MALRD1: variants seen among roughly 807,000 people sequenced by gnomAD.
MALRD1 encodes MAM and LDL receptor class A domain containing 1.
A neutral mutation model predicts 242.1 loss-of-function variants in MALRD1; 247 were observed. The observed-to-expected ratio is 1.02, with a 90% confidence interval of 0.92 to 1.13. The LOEUF (loss-of-function observed/expected upper bound fraction) is 1.13. MALRD1 is among the 50% of genes most tolerant of loss of function. MALRD1 has a pLI of 0.00. For missense variants in MALRD1, 2,989 were observed against 2,533.1 expected, an observed-to-expected ratio of 1.18 and a Z score of -3.86; for synonymous variants, 995 against 866.6, an observed-to-expected ratio of 1.15 and a Z score of -2.60.
At chr10:19,213,606 A>G (rs1837169144) in intron 18 of MALRD1, among the ~76,000 whole-genome samples, 1 of 152,208 alleles carries the variant, frequency 6.6e-6, no homozygotes, top group African/African-American at 2.4e-5. Flanking sequence ...TAATGTTCTT[A>G]ACTGATAACT....
At chr10:19,654,401 T>C (rs1190772670) in intron 36 of MALRD1, among the ~76,000 whole-genome samples, 1 of 152,166 alleles carries the variant, frequency 6.6e-6, no homozygotes, top group Non-Finnish European at 1.5e-5. Flanking sequence ...TTTCAGTGTT[T>C]TGATGATTTA....
chr10:19,531,384 G>T, intron 32 of MALRD1, 33 bp downstream of exon 32: 1 of 1,496,320 alleles, frequency 6.7e-7, no homozygotes, highest in Non-Finnish European at 9.0e-7. Context: ...TATGATCACT[G>T]AAATATGCAT....
intron 5 of MALRD1, among the ~76,000 whole-genome samples, chr10:19,115,636 C>A (rs779945866): frequency 6.6e-6 from 1 of 151,136 alleles, no homozygotes; most frequent in African/African-American, 2.4e-5. Context: ...ATATATGTTT[C>A]TCTTTACTAT....
intron 28 of MALRD1, among the ~76,000 whole-genome samples, chr10:19,402,307 A>C (rs1846893882): frequency 1.3e-5 from 2 of 152,162 alleles, no homozygotes; most frequent in Non-Finnish European, 2.9e-5. Context: ...TTCCCCACCC[A>C]AATCTCACCT....
chr10:19,436,863 G>C (rs577057764), intron 28 of MALRD1, among the ~76,000 whole-genome samples: 2 of 152,242 alleles, frequency 1.3e-5, no homozygotes, highest in South Asian at 4.1e-4. Context: ...TAGCATTACA[G>C]TATTATACAG....
chr10:19,709,298 C>A (rs1369484130), intron 38 of MALRD1, among the ~76,000 whole-genome samples: 1 of 149,098 alleles, frequency 6.7e-6, no homozygotes, highest in African/African-American at 2.5e-5. Flanking sequence ...TGGTGGCATG[C>A]ACCAGCTACT....
chr10:19,517,904 A>C (rs919298617), intron 31 of MALRD1, among the ~76,000 whole-genome samples: 1 of 152,168 alleles, frequency 6.6e-6, no homozygotes, highest in African/African-American at 2.4e-5. Context: ...CTGACACCAA[A>C]CTGTTAATTC....
In MALRD1 at chr10:19,352,236, A is replaced by G. The variant is rs1228091319; in HGVS notation, c.4380A>G (p.Thr1460=). 6.5e-6 allele frequency: 10 copies of G among 1,550,338 alleles called. No homozygotes were observed. The highest frequency in any genetic ancestry group is 7.8e-6 in the Non-Finnish European group (9 of 1,146,898). Residue 1460 remains threonine, a synonymous_variant, in exon 26 of 40, where the codon ACA becomes ACG. Transcript: ENST00000454679. ...TTGCACTTGATGACATTGTGCTTACAGAAAATTGTCTATCACTCCATGATT... is the reference window on the plus strand; with the variant it reads ...TTGCACTTGATGACATTGTGCTTACGGAAAATTGTCTATCACTCCATGATT... ...GDIALDDIVL[T]ENCLSLHDSV...
chr10:19,665,884 A>ATT (rs35301063), intron 36 of MALRD1, among the ~76,000 whole-genome samples: 61 of 146,478 alleles, frequency 4.2e-4, no homozygotes, highest in African/African-American at 1.5e-3. Flanking sequence ...TTTTCTAATG[A>ATT]TTTTTTTTTT....
At chr10:19,605,211 G>A (rs1838551450) in intron 34 of MALRD1, among the ~76,000 whole-genome samples, 1 of 150,778 alleles carries the variant, frequency 6.6e-6, no homozygotes, top group Non-Finnish European at 1.5e-5. Flanking sequence ...CTGGAGTGCA[G>A]TGGCACGATC....
At chr10:19,242,039 G>A (rs1326575911) in intron 18 of MALRD1, among the ~76,000 whole-genome samples, 2 of 152,162 alleles carry the variant, frequency 1.3e-5, no homozygotes, top group African/African-American at 2.4e-5. Flanking sequence ...GCAGCTGTTG[G>A]ATGATGTATT....
In MALRD1 at chr10:19,574,123, T is replaced by C. The variant is rs954775261; in HGVS notation, c.5680+6420T>C. On this transcript the variant is annotated intron_variant, in intron 33 of 39. Transcript: ENST00000454679. ...AATAGTACAAATTCTGCTTCACTGC[T>C]GAAAAATAATAGCTCTCACTTCGTT... Among the ~76,000 whole-genome samples the C allele has an allele frequency of 2.6e-5, 4 of 152,226 alleles. No homozygotes were observed. In the South Asian group the frequency reaches 8.3e-4, roughly 32 times the overall value.
At chr10:19,701,780 T>TC (rs1015928300) in intron 38 of MALRD1, among the ~76,000 whole-genome samples, 9 of 125,886 alleles carry the variant, frequency 7.1e-5, no homozygotes, top group Non-Finnish European at 3.3e-5. Context: ...TTCTTCTCCC[T>TC]CCCCCTTTTC....
chr10:19,359,066 G>A (rs1214843451), intron 26 of MALRD1, among the ~76,000 whole-genome samples: 1 of 152,138 alleles, frequency 6.6e-6, no homozygotes, highest in African/African-American at 2.4e-5. Flanking sequence ...ATGGACAAAG[G>A]GGACAAAGAA....
At chr10:19,448,431 A>G (rs758241235) in intron 28 of MALRD1, among the ~76,000 whole-genome samples, 2 of 148,610 alleles carry the variant, frequency 1.3e-5, no homozygotes, top group South Asian at 2.1e-4. Context: ...TAGTGTGTAT[A>G]TATGTATATT....
intron 36 of MALRD1, among the ~76,000 whole-genome samples, chr10:19,679,305 G>A (rs1842267649): frequency 6.6e-6 from 1 of 152,046 alleles, no homozygotes. Flanking sequence ...TTATTTGTTG[G>A]TAGACTATTT....
chr10:19,382,944 A>G (rs1845900449), intron 26 of MALRD1, among the ~76,000 whole-genome samples: 1 of 152,206 alleles, frequency 6.6e-6, no homozygotes. Flanking sequence ...TATATGACTT[A>G]CTACAATTTA....
At chr10:19,308,794 T>G (rs773030082) in intron 21 of MALRD1, among the ~76,000 whole-genome samples, 7 of 151,518 alleles carry the variant, frequency 4.6e-5, no homozygotes, top group Non-Finnish European at 8.9e-5. Flanking sequence ...AGTCCAGTGT[T>G]TGGAACAAAA....
intron 18 of MALRD1, among the ~76,000 whole-genome samples, chr10:19,212,038 T>C (rs1224997112): frequency 6.6e-6 from 1 of 152,236 alleles, no homozygotes; most frequent in Non-Finnish European, 1.5e-5. Context: ...CTTTCATGTG[T>C]GCCTTGGTCA....
Sources: allele counts gnomAD v4.1 joint callset (sites outside exome capture counted in the v4.1 genomes callset), GRCh38; gene constraint gnomAD v4.1.1; transcripts MANE v1.5; gene names NCBI Gene and HGNC (gene_info 2026-07-23, HGNC 2026-07-21).